The following LRRC56 variants were observed in gnomAD, a reference collection of about 807,000 sequenced individuals.
The protein encoded by LRRC56 is leucine rich repeat containing 56, also known as leucine-rich repeat-containing protein 56.
Under a neutral mutation model 47.8 loss-of-function variants are expected in LRRC56, and 41 were observed. The observed-to-expected ratio is 0.86, with a 90% CI of 0.67 to 1.11. LRRC56 has a LOEUF of 1.11. Among genes scored for constraint, LRRC56 ranks in the 50% most tolerant of loss-of-function variants. The probability of loss-of-function intolerance (pLI) is 0.00; values close to 1 mark genes in which losing one functional copy is unlikely to be tolerated. For synonymous variants in LRRC56, 387 were observed against 311.2 expected (o/e 1.24, Z -2.56); for missense variants, 759 against 704.2 (o/e 1.08, Z -0.88).
the LRRC56 span, among the ~76,000 whole-genome samples, chr11:511,851 A>G: frequency 6.6e-6 from 1 of 151,392 alleles, no homozygotes; most frequent in Admixed American, 6.6e-5. Flanking sequence ...AACACCAGCC[A>G]CCCCCCACAC....
At position 541,581 on chromosome 11, in the gene LRRC56, G is replaced by A. The variant is rs1201999225; in HGVS notation, c.222G>A (p.Leu74=). 8.8e-6 allele frequency: 14 copies of A among 1,592,090 alleles called. No individual in the cohort carries two copies. Among genetic ancestry groups the A allele is most frequent in the Non-Finnish European group, 1.2e-5 (14 of 1,168,202 alleles). Residue 74 remains leucine, a synonymous_variant, in exon 5 of 14, where the codon CTG becomes CTA. Coordinates refer to ENST00000270115, the MANE Select transcript of LRRC56 (RefSeq NM_198075.4). This position sits in a 1 kb window ranked among gnomAD's most constrained non-coding sequence, Gnocchi z 4.1. The part of the protein sequence containing the change: ...RVDDLRLVRT[L]EMCVDTREGS... ...ATGACCTTCGGCTGGTGAGGACGCT[G>A]GAGATGTGTGTGGACACTCGTGAGG...
chr11:535,498 C>A (rs959436276), upstream of LRRC56: 15 of 147,620 alleles, frequency 1.0e-4, no homozygotes, highest in Non-Finnish European at 1.5e-5. Context: ...CGGTTCGCCC[C>A]GCGCATGGGC....
chr11:522,810 G>A, the LRRC56 span, among the ~76,000 whole-genome samples: 1 of 152,042 alleles, frequency 6.6e-6, no homozygotes, highest in African/African-American at 2.4e-5. Flanking sequence ...GTGCAGTGGC[G>A]CAATCTCGGC....
the LRRC56 span, among the ~76,000 whole-genome samples, chr11:521,470 A>G: frequency 6.6e-6 from 1 of 152,080 alleles, no homozygotes; most frequent in Non-Finnish European, 1.5e-5. Flanking sequence ...CACTGTGCCC[A>G]GCTAATTTTT....
the LRRC56 span, chr11:532,405 T>G: frequency 1.6e-6 from 1 of 633,560 alleles, no homozygotes; most frequent in Non-Finnish European, 2.8e-6. Flanking sequence ...CGGCCCACGG[T>G]CCCGGGGTGA....
chr11:553,483 G>C (rs1300152156), intron 13 of LRRC56, among the ~76,000 whole-genome samples: 3 of 152,096 alleles, frequency 2.0e-5, no homozygotes, highest in African/African-American at 4.8e-5. Flanking sequence ...CTGCAGGGGT[G>C]GAGGGAGGGC....
intron 13 of LRRC56, among the ~76,000 whole-genome samples, chr11:553,714 C>T (rs1348495986): frequency 2.0e-5 from 3 of 152,216 alleles, no homozygotes. Flanking sequence ...GGACAGGACA[C>T]AGAGGACCCA....
rs760500404 is a variant in LRRC56 at position 550,220 on chromosome 11, C to T, written c.572C>T (p.Thr191Ile). Residue 191 changes from threonine to isoleucine, a missense_variant, in exon 8 of 14, where the codon ACC (threonine) becomes ATC (isoleucine). Physicochemically the swap from Thr to Ile is moderately conservative, Grantham distance 89 (BLOSUM62 -1). Coordinates refer to ENST00000270115, the MANE Select transcript of LRRC56 (RefSeq NM_198075.4). The part of the protein sequence containing the change: ...LQLCPRLAML[T>I]LEGNLVCLQP... Reference sequence around the variant, plus strand: ...CTGTGCCCACGCCTGGCCATGCTCACCCTGGAGGGCAACCTGGTGTGCCTA... The same window carrying T: ...CTGTGCCCACGCCTGGCCATGCTCATCCTGGAGGGCAACCTGGTGTGCCTA... 9.3e-6 allele frequency: 15 copies of T among 1,611,978 alleles called. No individual in the cohort carries two copies. The South Asian group carries it at 1.2e-4, about 13-fold the overall frequency.
At chr11:534,633 G>A (rs1344616755), upstream of LRRC56, 1 of 485,352 alleles carries the variant, frequency 2.1e-6, no homozygotes, top group Non-Finnish European at 3.7e-6. Flanking sequence ...ACAGCTGAGC[G>A]CTCTCAACCA....
intron 12 of LRRC56, 147 bp downstream of exon 12, chr11:552,379 C>T (rs1334242560): frequency 2.3e-6 from 3 of 1,279,720 alleles, no homozygotes; most frequent in Non-Finnish European, 3.2e-6. Flanking sequence ...AGGGCTGGGG[C>T]TACCTTGGCT....
chr11:519,286 AGGT>A, the LRRC56 span, among the ~76,000 whole-genome samples: 1 of 140,366 alleles, frequency 7.1e-6, no homozygotes. Context: ...GCTGATACAC[AGGT>A]GAGCTTTATT....
chr11:545,062 C>T (rs1271786416), intron 6 of LRRC56, among the ~76,000 whole-genome samples: 5 of 152,072 alleles, frequency 3.3e-5, no homozygotes, highest in Non-Finnish European at 5.9e-5. Flanking sequence ...GCCTGACTCC[C>T]GGGGGTCCTG....
the LRRC56 span, among the ~76,000 whole-genome samples, chr11:525,318 T>C: frequency 6.6e-6 from 1 of 151,702 alleles, no homozygotes; most frequent in East Asian, 1.9e-4. Flanking sequence ...GGCGGGCGGA[T>C]CACGAGGTCA....
chr11:516,025 T>TC, the LRRC56 span, among the ~76,000 whole-genome samples: 5 of 152,220 alleles, frequency 3.3e-5, no homozygotes, highest in African/African-American at 1.2e-4. Flanking sequence ...CTACTCTCGA[T>TC]CCTCTATTCT....
At chr11:546,930 G>A (rs1308189883) in intron 6 of LRRC56, among the ~76,000 whole-genome samples, 5 of 151,988 alleles carry the variant, frequency 3.3e-5, no homozygotes, top group African/African-American at 9.7e-5. Flanking sequence ...CATGGTGTGC[G>A]CTTGTAATCC....
the LRRC56 span, among the ~76,000 whole-genome samples, chr11:521,472 C>T: frequency 1.3e-5 from 2 of 152,258 alleles, no homozygotes; most frequent in South Asian, 4.1e-4. Context: ...CTGTGCCCAG[C>T]TAATTTTTGT....
the LRRC56 span, among the ~76,000 whole-genome samples, chr11:524,403 G>A: frequency 3.3e-5 from 5 of 152,060 alleles, no homozygotes; most frequent in East Asian, 7.8e-4. Context: ...AGGCTGAGGC[G>A]GGTGGTTCAC....
the LRRC56 span, among the ~76,000 whole-genome samples, chr11:517,781 T>C: frequency 1.3e-5 from 2 of 152,210 alleles, no homozygotes; most frequent in Non-Finnish European, 2.9e-5. Context: ...TGTGTCTGTG[T>C]AGAAAGAAGT....
chr11:540,129 T>A (rs1851721728), intron 3 of LRRC56, among the ~76,000 whole-genome samples: 1 of 152,276 alleles, frequency 6.6e-6, no homozygotes, highest in East Asian at 1.9e-4. Flanking sequence ...CCTCCTTGCC[T>A]GGATGTTTGA....
Sources: gnomAD v4.1 joint callset for allele counts (sites outside exome capture counted in the v4.1 genomes callset) on GRCh38, gnomAD v4.1.1 for gene constraint, Gnocchi (gnomAD v3.1) non-coding constraint, MANE v1.5 for transcripts, NCBI Gene and HGNC (gene_info 2026-07-23, HGNC 2026-07-21) for gene names.